Variants in ONECUT3 observed in about 807,000 individuals in gnomAD.
The protein encoded by ONECUT3 is one cut domain family member 3.
Under a neutral mutation model 16.8 loss-of-function variants are expected in ONECUT3, and 11 were observed. The ratio of observed to expected loss-of-function variants is 0.66; its 90% CI spans 0.41 to 1.09. The LOEUF is 1.09. Ranked by LOEUF, ONECUT3 falls within the 50% of genes least tolerant of loss-of-function variation. The probability of loss-of-function intolerance (pLI) is 0.00; values close to 1 mark genes in which losing one functional copy is unlikely to be tolerated. For missense variants in ONECUT3, 637 were observed against 629.9 expected (o/e 1.01, Z -0.12); for synonymous variants, 344 against 310.7 (o/e 1.11, Z -1.13).
intron 1 of ONECUT3, among the ~76,000 whole-genome samples, chr19:1,756,496 C>A (rs1237283629): frequency 1.3e-5 from 2 of 152,042 alleles, no homozygotes; most frequent in African/African-American, 4.8e-5. Context: ...AGGTGCAGTG[C>A]GAGGCCTCAG....
chr19:1,755,327 A>C lies in ONECUT3; in HGVS notation c.1192+473A>C, dbSNP rs1434703981. On this transcript the variant is annotated intron_variant, in intron 1 of 1. Transcript: ENST00000382349. The surrounding 1 kb of genome is among the most constrained non-coding windows in gnomAD (Gnocchi z 7.5). ...TGTTGAGCCCCCAGCCCCGGGCCAC[A>C]GAGCTCCGAGACGTTGCGGCGGGCG... 6.6e-6 allele frequency among the ~76,000 whole-genome samples: 1 copy of C among 152,042 alleles called. No homozygotes were observed. The highest frequency in any genetic ancestry group is 1.5e-5 in the Non-Finnish European group (1 of 67,992).
rs775262575 is a variant in ONECUT3, at chr19:1,775,213, G to A, written c.1253G>A (p.Arg418His). 4.5e-6 allele frequency: 7 copies of A among 1,555,530 alleles called. No homozygotes were observed. Among genetic ancestry groups the A allele is most frequent in the Non-Finnish European group, 6.1e-6 (7 of 1,149,898 alleles). Residue 418 changes from arginine (R) to histidine (H), a missense_variant, in exon 2 of 2, where the codon CGC becomes CAC. Arg to His is a conservative substitution (Grantham distance 29). Around this residue, in one of 3 missense-constraint regions of ONECUT3, gnomAD observed 183 missense variants for 188.3 expected, o/e 0.97. Coordinates refer to ENST00000382349, the MANE Select transcript of ONECUT3 (RefSeq NM_001080488.2). The stretch of plus-strand genomic sequence containing the variant: ...CGCGCCCTGCAGCCCAAGAAGCAGC[G>A]CCTGGTGTTCACCGACCTGCAGCGA... ...KERALQPKKQ[R>H]LVFTDLQRRT...
rs1441405952 is a variant in ONECUT3 at position 1,764,089 on chromosome 19, A to G, written c.1192+9235A>G. 6.6e-6 allele frequency among the ~76,000 whole-genome samples: 1 copy of G among 152,110 alleles called. No individual in the cohort carries two copies. Among genetic ancestry groups the G allele is most frequent in the Non-Finnish European group, 1.5e-5 (1 of 68,008 alleles). On this transcript the variant is annotated intron_variant, in intron 1 of 1. Coordinates refer to ENST00000382349, the MANE Select transcript of ONECUT3 (RefSeq NM_001080488.2). This position sits in a 1 kb window ranked among gnomAD's most constrained non-coding sequence, Gnocchi z 5.0. ...TCTTATCACTGATTCCTTTCCTGTCATCTTTTTCAAATCCATTTCCCACTG... is the reference window on the plus strand; with the variant it reads ...TCTTATCACTGATTCCTTTCCTGTCGTCTTTTTCAAATCCATTTCCCACTG...
intron 1 of ONECUT3, among the ~76,000 whole-genome samples, chr19:1,760,063 G>A (rs1281075065): frequency 6.6e-6 from 1 of 152,148 alleles, no homozygotes; most frequent in Non-Finnish European, 1.5e-5. Context: ...GGTCCCACTG[G>A]ATGCCCACAG....
At chr19:1,772,559 T>C (rs1405522547) in intron 1 of ONECUT3, among the ~76,000 whole-genome samples, 1 of 152,156 alleles carries the variant, frequency 6.6e-6, no homozygotes, top group Non-Finnish European at 1.5e-5. Flanking sequence ...CTTCCTCTAT[T>C]TTTGAACTGT....
intron 1 of ONECUT3, among the ~76,000 whole-genome samples, chr19:1,765,421 AGCCC>A (rs2067977796): frequency 6.6e-6 from 1 of 152,088 alleles, no homozygotes; most frequent in Non-Finnish European, 1.5e-5. Flanking sequence ...AGCCCAGTGG[AGCCC>A]GCGCCTCCCC....
rs1408374614 is a variant in ONECUT3, at chr19:1,758,315, A to AGAGAGAGAG, written c.1192+3461_1192+3462insGAGAGAGAG. 3.9e-5 allele frequency among the ~76,000 whole-genome samples: 3 copies of AGAGAGAGAG among 77,022 alleles called. No individual in the cohort carries two copies. The highest frequency in any genetic ancestry group is 1.2e-4 in the African/African-American group (3 of 24,788). The allele number at this position is 77,022 out of a possible 152,430, so 50.5% of individuals were successfully genotyped here. Reference sequence around the variant, plus strand: ...GCAGAGAGACCAAAAAAAAAAAAAAAAGAGAGAGAGAGAGAGAGAGACAGA... The same window carrying AGAGAGAGAG: ...GCAGAGAGACCAAAAAAAAAAAAAAAGAGAGAGAGAGAGAGAGAGAGAGAGAGAGACAGA... On this transcript the variant is annotated intron_variant, in intron 1 of 1. Transcript: ENST00000382349. This position sits in a 1 kb window ranked among gnomAD's most constrained non-coding sequence, Gnocchi z 5.9.
intron 1 of ONECUT3, among the ~76,000 whole-genome samples, chr19:1,757,992 C>T (rs540575524): frequency 2.6e-5 from 4 of 152,338 alleles, no homozygotes; most frequent in Non-Finnish European, 4.4e-5. Context: ...CCAAGGAGAA[C>T]TTTGCGCCCC....
At chr19:1,767,714 C>T (rs1444390509) in intron 1 of ONECUT3, among the ~76,000 whole-genome samples, 1 of 152,236 alleles carries the variant, frequency 6.6e-6, no homozygotes, top group Non-Finnish European at 1.5e-5. Context: ...CCTGATCCCA[C>T]CTGCCCAGAA....
rs547218414 is a variant in ONECUT3 at position 1,759,684 on chromosome 19, G to T, written c.1192+4830G>T. ...GCTTGGAGACCCGGGCCTTCCCTGG[G>T]CTCTGTCCCTGGCTGATCCCTGGCA... is the stretch of plus-strand genomic sequence containing the variant. On this transcript the variant is annotated intron_variant, in intron 1 of 1. Coordinates refer to ENST00000382349, the MANE Select transcript of ONECUT3 (RefSeq NM_001080488.2). This position sits in a 1 kb window ranked among gnomAD's most constrained non-coding sequence, Gnocchi z 4.1. Among the ~76,000 whole-genome samples, 1 of 152,310 alleles carries T rather than the reference G, an allele frequency of 6.6e-6. No homozygotes were observed. Among genetic ancestry groups the T allele is most frequent in the Non-Finnish European group, 1.5e-5 (1 of 68,032 alleles).
rs1400185314 is a variant in ONECUT3 at position 1,757,851 on chromosome 19, TCGGAAAG to T, written c.1192+2998_1192+3004del. On this transcript the variant is annotated intron_variant, in intron 1 of 1. Transcript: ENST00000382349. ...CACGGCGACGCCCCAACGCTGGTGCTCGGAAAGGGAACTCTGCCCCCGCCCCGCCCCC... is the reference window on the plus strand; with the variant it reads ...CACGGCGACGCCCCAACGCTGGTGCTGGAACTCTGCCCCCGCCCCGCCCCC... Among the ~76,000 whole-genome samples, 4 of 151,758 alleles carry T rather than the reference TCGGAAAG, an allele frequency of 2.6e-5. No homozygotes were observed. In the East Asian group the frequency reaches 7.8e-4, roughly 30 times the overall value.
At position 1,780,257 on chromosome 19, in the gene ONECUT3, CA is replaced by C. The variant is rs2068145632; in HGVS notation, c.*4813del. 6.6e-6 allele frequency: 1 copy of C among 151,536 alleles called. No individual in the cohort carries two copies. Among genetic ancestry groups the C allele is most frequent in the East Asian group, 1.9e-4 (1 of 5,144 alleles). 9.4% of individuals were successfully genotyped at this position (151,536 alleles called of 1,614,324 possible). On this transcript the variant is annotated 3_prime_UTR_variant, in exon 2 of 2. Coordinates refer to ENST00000382349, the MANE Select transcript of ONECUT3 (RefSeq NM_001080488.2). ...CCGCCTTTCTGTCCAGCCCGGGAGG[CA>C]GGGGGTGTACGCCTGCAGAGACCCC... is the stretch of plus-strand genomic sequence containing the variant.
Position 1,758,800 on chromosome 19 carries a change from G to T in ONECUT3, c.1192+3946G>T, listed in dbSNP as rs1180417370. On this transcript the variant is annotated intron_variant, in intron 1 of 1. Transcript: ENST00000382349. The surrounding 1 kb of genome is among the most constrained non-coding windows in gnomAD (Gnocchi z 5.9). Reference sequence around the variant, plus strand: ...CGGGCGGGCTCCTCGGCGGGGGTGGGGGCGGTCGATGAATTCGAATTACCG... The same window carrying T: ...CGGGCGGGCTCCTCGGCGGGGGTGGTGGCGGTCGATGAATTCGAATTACCG... Among the ~76,000 whole-genome samples, 1 of 152,136 alleles carries T rather than the reference G, an allele frequency of 6.6e-6. No homozygotes were observed. The highest frequency in any genetic ancestry group is 1.5e-5 in the Non-Finnish European group (1 of 68,008).
chr19:1,754,422 C>G lies in ONECUT3; in HGVS notation c.760C>G (p.Arg254Gly). 1 of 1,053,224 alleles carries G rather than the reference C, an allele frequency of 9.5e-7. No individual in the cohort carries two copies. Among genetic ancestry groups the G allele is most frequent in the Non-Finnish European group, 1.1e-6 (1 of 871,322 alleles). The allele number at this position is 1,053,224 out of a possible 1,614,324, so 65.2% of individuals were successfully genotyped here. A position where few individuals can be genotyped will look rare whatever the true frequency, so the allele number is the denominator to read the frequency against. Residue 254 changes from arginine (R) to glycine (G), a missense_variant, in exon 1 of 2, where the codon CGC becomes GGC. Arg to Gly is a moderately radical substitution (Grantham distance 125). This residue lies in a region of ONECUT3 where 419 missense variants were observed against 377.9 expected (regional missense o/e 1.11). Coordinates refer to ENST00000382349, the MANE Select transcript of ONECUT3 (RefSeq NM_001080488.2). This position sits in a 1 kb window ranked among gnomAD's most constrained non-coding sequence, Gnocchi z 7.4. The part of the protein sequence containing the change: ...AFEPHAALLG[R>G]AEDALARGLP... Reference sequence around the variant, plus strand: ...CGAGCCGCACGCCGCGCTGCTGGGACGCGCGGAGGACGCACTGGCCCGCGG... The same window carrying G: ...CGAGCCGCACGCCGCGCTGCTGGGAGGCGCGGAGGACGCACTGGCCCGCGG...
chr19:1,772,992 C>T (rs1206528131), intron 1 of ONECUT3, among the ~76,000 whole-genome samples: 1 of 151,744 alleles, frequency 6.6e-6, no homozygotes. Context: ...CGTGAGCCAC[C>T]GCGCCCGGCC....
intron 1 of ONECUT3, 146 bp from the exon 2 acceptor site, chr19:1,775,007 G>A (rs538480127): frequency 5.2e-6 from 3 of 573,022 alleles, no homozygotes; most frequent in Non-Finnish European, 9.1e-6. Flanking sequence ...CTCTCCCTGG[G>A]ACCTTATGTG....
chr19:1,769,239 TG>T (rs2068031260), intron 1 of ONECUT3, among the ~76,000 whole-genome samples: 1 of 147,536 alleles, frequency 6.8e-6, no homozygotes, highest in Non-Finnish European at 1.5e-5. Context: ...GAGGTGGAGG[TG>T]CTGGAGGTGG....
At chr19:1,757,057 A>C (rs554321882) in intron 1 of ONECUT3, among the ~76,000 whole-genome samples, 8 of 151,074 alleles carry the variant, frequency 5.3e-5, no homozygotes, top group Non-Finnish European at 1.2e-4. Flanking sequence ...GCAGTACTGG[A>C]ATTGCAGATT....
In ONECUT3 at chr19:1,775,928, C is replaced by A. The variant is rs940959807; in HGVS notation, c.*483C>A. ...AAACTTCCTTCCTCCCCACCCGCCC[C>A]GGCCCCCTCCCCAGGGACCTCAGCC... On this transcript the variant is annotated 3_prime_UTR_variant, in exon 2 of 2. Coordinates refer to ENST00000382349, the MANE Select transcript of ONECUT3 (RefSeq NM_001080488.2). 6.6e-6 allele frequency: 1 copy of A among 152,432 alleles called. No individual in the cohort carries two copies. Among genetic ancestry groups the A allele is most frequent in the Non-Finnish European group, 1.5e-5 (1 of 68,418 alleles). The allele number at this position is 152,432 out of a possible 1,614,324, so 9.4% of individuals were successfully genotyped here. A position where few individuals can be genotyped will look rare whatever the true frequency, so the allele number is the denominator to read the frequency against.
Sources: gnomAD v4.1 joint callset for allele counts (sites outside exome capture counted in the v4.1 genomes callset) on GRCh38, gnomAD v4.1.1 for gene constraint, gnomAD v4.1.1 regional missense constraint, Gnocchi (gnomAD v3.1) non-coding constraint, MANE v1.5 for transcripts, NCBI Gene and HGNC (gene_info 2026-07-23, HGNC 2026-07-21) for gene names.